ZFAT: variants seen among roughly 807,000 people sequenced by gnomAD.
ZFAT encodes the protein zinc finger and AT-hook domain containing, also known as zinc finger protein ZFAT.
In ZFAT, 64 loss-of-function variants were observed where a neutral mutation model predicts 117.7. That is an observed-to-expected ratio of 0.54 (90% CI 0.44 to 0.67). The LOEUF (loss-of-function observed/expected upper bound fraction) is 0.67. ZFAT is among the 30% of genes least tolerant of loss of function. The pLI, the probability that ZFAT is intolerant of heterozygous loss-of-function variation, is 0.00. For synonymous variants in ZFAT, 679 were observed against 615.0 expected (o/e 1.10, Z -1.54); for missense variants, 1,433 against 1,584.5 (o/e 0.90, Z 1.62).
At chr8:134,543,048 T>C (rs1338135984) in intron 11 of ZFAT, among the ~76,000 whole-genome samples, 1 of 148,838 alleles carries the variant, frequency 6.7e-6, no homozygotes, top group Non-Finnish European at 1.5e-5. Context: ...GAAGAAGAGA[T>C]GGGATCATGT....
rs1824363659 is a variant in ZFAT, at chr8:134,565,357, G to A, written c.2952C>T (p.His984=). The change falls in exon 11 of 16, where the codon CAC becomes CAT. Residue 984 remains histidine, a synonymous_variant. Coordinates refer to ENST00000377838, the MANE Select transcript of ZFAT (RefSeq NM_020863.4). ...CCTTGAAGGAGACATGCTGTTCCAT[G>A]TGCCGCAGCAGCTGTGGCTTCTGGG... ...TAAQKPQLLR[H]MEQHVSFKPF... 6.2e-7 allele frequency: 1 copy of A among 1,613,748 alleles called. No homozygotes were observed. The highest frequency in any genetic ancestry group is 8.5e-7 in the Non-Finnish European group (1 of 1,179,866).
At position 134,602,665 on chromosome 8, in the gene ZFAT, T is replaced by A. The variant is rs75824083; in HGVS notation, c.1054A>T (p.Ile352Phe). 1.2e-6 allele frequency: 2 copies of A among 1,614,220 alleles called. No homozygotes were observed. The highest frequency in any genetic ancestry group is 1.1e-5 in the South Asian group (1 of 91,078). The stretch of plus-strand genomic sequence containing the variant: ...TTGCAGAAGCGGCAGTGCTGCTTGA[T>A]CTTCTTGTGCACTCGCTCGATGTGC... The part of the protein sequence containing the change: ...KVHIERVHKK[I>F]KQHCRFCKKK... The change falls in exon 6 of 16, where the codon ATC (isoleucine) becomes TTC (phenylalanine). Residue 352 changes from isoleucine to phenylalanine, a missense_variant. Physicochemically the swap from Ile to Phe is conservative, Grantham distance 21 (BLOSUM62 0). Transcript: ENST00000377838.
chr8:134,532,936 T>C lies in ZFAT; in HGVS notation c.3013A>G (p.Ile1005Val), dbSNP rs371911015. Residue 1005 changes from isoleucine to valine, a missense_variant, in exon 12 of 16, where the codon ATA (isoleucine) becomes GTA (valine). Ile to Val is a conservative substitution (Grantham distance 29, BLOSUM62 3). Transcript: ENST00000377838. ...RCAHCHYSCN[I>V]SGSLKRHYNR... ...TAGTGCCGCTTCAGAGAGCCAGATA[T>C]GTTGCAGGAGTAATGGCAATGGGCA... The C allele has an allele frequency of 1.9e-6, 3 of 1,608,716 alleles. No individual in the cohort carries two copies. The highest frequency in any genetic ancestry group is 2.5e-6 in the Non-Finnish European group (3 of 1,177,592).
the ZFAT span, among the ~76,000 whole-genome samples, chr8:134,720,561 C>A: frequency 5.3e-5 from 8 of 152,294 alleles, no homozygotes; most frequent in South Asian, 1.5e-3. Context: ...ATTTGGAACA[C>A]GGAAGACAAG....
the ZFAT span, among the ~76,000 whole-genome samples, chr8:134,814,539 C>T: frequency 1.3e-5 from 2 of 152,146 alleles, no homozygotes; most frequent in Non-Finnish European, 2.9e-5. Flanking sequence ...TGGCTTATGG[C>T]TGGGAGGCAA....
intron 15 of ZFAT, among the ~76,000 whole-genome samples, chr8:134,500,957 G>A (rs1396775244): frequency 6.6e-6 from 1 of 152,174 alleles, no homozygotes; most frequent in Non-Finnish European, 1.5e-5. Flanking sequence ...AGAGGCCCGG[G>A]ATCAAATAAA....
At chr8:134,787,350 T>C in the ZFAT span, among the ~76,000 whole-genome samples, 3 of 152,356 alleles carry the variant, frequency 2.0e-5, no homozygotes, top group East Asian at 1.9e-4. Context: ...TTTTTCTATA[T>C]ATATGGTATC....
chr8:134,674,057 A>G (rs1372798239), intron 1 of ZFAT, among the ~76,000 whole-genome samples: 1 of 152,212 alleles, frequency 6.6e-6, no homozygotes, highest in Non-Finnish European at 1.5e-5. Flanking sequence ...CTGCATTTCC[A>G]GCTGAGGTAG....
chr8:134,675,760 C>G (rs897431688), intron 1 of ZFAT, among the ~76,000 whole-genome samples: 4 of 152,186 alleles, frequency 2.6e-5, no homozygotes, highest in African/African-American at 9.7e-5. Context: ...AGAAACCCTA[C>G]AAGCCAGAAG....
chr8:134,782,712 A>AT, the ZFAT span, among the ~76,000 whole-genome samples: 7 of 151,998 alleles, frequency 4.6e-5, no homozygotes, highest in African/African-American at 1.7e-4. Context: ...GCCATGCAAG[A>AT]TGTGCCTTTT....
intron 12 of ZFAT, among the ~76,000 whole-genome samples, chr8:134,532,544 G>A (rs912440713): frequency 7.9e-5 from 12 of 152,202 alleles, no homozygotes; most frequent in Admixed American, 6.5e-4. Flanking sequence ...AAGAATGGAA[G>A]GCAATGCTGA....
At chr8:134,632,874 A>T (rs1829978624) in intron 3 of ZFAT, among the ~76,000 whole-genome samples, 1 of 152,250 alleles carries the variant, frequency 6.6e-6, no homozygotes, top group Non-Finnish European at 1.5e-5. Context: ...TAAAAACTGT[A>T]ACAGAGATAG....
At chr8:134,763,293 A>C in the ZFAT span, among the ~76,000 whole-genome samples, 3 of 152,190 alleles carry the variant, frequency 2.0e-5, no homozygotes, top group African/African-American at 7.2e-5. Flanking sequence ...ACCTCCTGTT[A>C]CACTTAATCC....
At chr8:134,599,405 A>G in intron 7 of ZFAT, 1 of 227,190 alleles carries the variant, frequency 4.4e-6, no homozygotes, top group Non-Finnish European at 8.8e-6. Context: ...GTATATGCAT[A>G]TGTGTGTGGA....
Position 134,512,540 on chromosome 8 carries a change from T to G in ZFAT, c.3296A>C (p.Glu1099Ala). Reference protein sequence around the residue: ...TQYLHITEAEEDVQGTQAAVA... With the variant: ...TQYLHITEAEADVQGTQAAVA... ...CGCTGCCTGTGTCCCTTGAACGTCT[T>G]CTTCGGCCTCTGTGATGTGGAGATA... The change falls in exon 14 of 16, where the codon GAA (glutamate) becomes GCA (alanine). Residue 1099 changes from glutamate to alanine, a missense_variant. Transcript: ENST00000377838. 1 of 1,613,992 alleles carries G rather than the reference T, an allele frequency of 6.2e-7. No individual in the cohort carries two copies. Among genetic ancestry groups the G allele is most frequent in the South Asian group, 1.1e-5 (1 of 91,078 alleles).
intron 3 of ZFAT, among the ~76,000 whole-genome samples, chr8:134,627,896 C>T (rs1336322009): frequency 6.6e-6 from 1 of 152,184 alleles, no homozygotes; most frequent in African/African-American, 2.4e-5. Context: ...AGAGATGTGT[C>T]CCTATTCTGT....
the ZFAT span, among the ~76,000 whole-genome samples, chr8:134,719,872 G>T: frequency 3.2e-4 from 48 of 152,300 alleles, no homozygotes; most frequent in Non-Finnish European, 5.9e-4. Flanking sequence ...GAAAGGAGAG[G>T]TACCTAGACA....
At chr8:134,546,938 G>T (rs1321834402) in intron 11 of ZFAT, among the ~76,000 whole-genome samples, 1 of 152,200 alleles carries the variant, frequency 6.6e-6, no homozygotes, top group Non-Finnish European at 1.5e-5. Flanking sequence ...CTTTTAACGT[G>T]CATTTGGAGT....
At chr8:134,653,269 T>TAAA (rs1441852865) in intron 2 of ZFAT, among the ~76,000 whole-genome samples, 2 of 99,160 alleles carry the variant, frequency 2.0e-5, no homozygotes, top group East Asian at 3.9e-4. Flanking sequence ...AATGTCTTTT[T>TAAA]TAAAAAAAAA....
Sources: allele counts gnomAD v4.1 joint callset (sites outside exome capture counted in the v4.1 genomes callset), GRCh38; gene constraint gnomAD v4.1.1; transcripts MANE v1.5; gene names NCBI Gene and HGNC (gene_info 2026-07-23, HGNC 2026-07-21).